The following STK24 variants were observed in gnomAD, a reference collection of about 807,000 sequenced individuals.
STK24 encodes the protein serine/threonine-protein kinase 24.
Under a neutral mutation model 55.6 loss-of-function variants are expected in STK24, and 21 were observed. The ratio of observed to expected loss-of-function variants is 0.38; its 90% CI spans 0.27 to 0.54. The LOEUF (loss-of-function observed/expected upper bound fraction) is 0.54, where lower values mean the gene tolerates loss of function less well. Ranked by LOEUF, STK24 falls within the 20% of genes least tolerant of loss-of-function variation. The pLI, the probability that STK24 is intolerant of heterozygous loss-of-function variation, is 0.79. For synonymous variants in STK24, 200 were observed against 215.2 expected, an observed-to-expected ratio of 0.93 and a Z score of 0.62; for missense variants, 383 against 538.4, an observed-to-expected ratio of 0.71 and a Z score of 2.86.
At chr13:98,507,292 T>G (rs1440418474) in intron 2 of STK24, among the ~76,000 whole-genome samples, 5 of 152,164 alleles carry the variant, frequency 3.3e-5, no homozygotes, top group Admixed American at 3.3e-4. Context: ...AGACCAGGAA[T>G]GAGGAAACTC....
intron 2 of STK24, among the ~76,000 whole-genome samples, chr13:98,517,683 C>T (rs1260299548): frequency 6.6e-6 from 1 of 152,150 alleles, no homozygotes; most frequent in African/African-American, 2.4e-5. Context: ...ACGGAAGTCA[C>T]ATGTGTAGTG....
At chr13:98,504,808 CA>C (rs1025528854) in intron 2 of STK24, among the ~76,000 whole-genome samples, 5 of 152,146 alleles carry the variant, frequency 3.3e-5, no homozygotes, top group African/African-American at 1.2e-4. Flanking sequence ...AGAGAAACAA[CA>C]GCCTCCAGTA....
In STK24 at chr13:98,514,120, GGC is replaced by G. The variant is rs1465150211; in HGVS notation, c.273+5121_273+5122del. ...GAATCACGGTGTTTTTCTGCAGATA[GGC>G]ATAGTAAGTAGGCTGATTATTTTCT... On this transcript the variant is annotated intron_variant, in intron 2 of 10. Coordinates refer to ENST00000539966, the MANE Select transcript of STK24 (RefSeq NM_001032296.4). 2.1e-3 allele frequency among the ~76,000 whole-genome samples: 319 copies of G among 152,326 alleles called. 3 individuals carry two copies. The highest frequency in any genetic ancestry group is 7.3e-3 in the African/African-American group (303 of 41,570).
At chr13:98,532,805 G>C (rs888890745) in intron 1 of STK24, among the ~76,000 whole-genome samples, 2 of 152,146 alleles carry the variant, frequency 1.3e-5, no homozygotes, top group Admixed American at 1.3e-4. Context: ...TTACTACAAT[G>C]TAAGTTCTTC....
At chr13:98,499,347 GA>G (rs1379094667) in intron 2 of STK24, among the ~76,000 whole-genome samples, 10 of 152,310 alleles carry the variant, frequency 6.6e-5, no homozygotes, top group Middle Eastern at 3.4e-3. Flanking sequence ...CGCACCTTGG[GA>G]ATTTAAATCA....
intron 1 of STK24, among the ~76,000 whole-genome samples, chr13:98,525,484 G>A (rs1480906424): frequency 2.0e-5 from 3 of 152,222 alleles, no homozygotes; most frequent in Non-Finnish European, 4.4e-5. Context: ...CCTAGGGCAA[G>A]AAGACTAGGG....
At chr13:98,467,433 G>A (rs2139269506) in intron 5 of STK24, among the ~76,000 whole-genome samples, 1 of 152,200 alleles carries the variant, frequency 6.6e-6, no homozygotes, top group East Asian at 1.9e-4. Flanking sequence ...TCCATGGTTG[G>A]TTTATCTGAA....
At chr13:98,552,119 A>G (rs1897173610) in intron 1 of STK24, among the ~76,000 whole-genome samples, 2 of 152,220 alleles carry the variant, frequency 1.3e-5, no homozygotes, top group Admixed American at 6.5e-5. Flanking sequence ...GAATAAAATC[A>G]TGCTTCTGTA....
At chr13:98,550,375 C>T (rs1457071272) in intron 1 of STK24, among the ~76,000 whole-genome samples, 1 of 152,064 alleles carries the variant, frequency 6.6e-6, no homozygotes, top group African/African-American at 2.4e-5. Flanking sequence ...CCTGTCCCTA[C>T]AAAAAATAGT....
chr13:98,548,853 C>G (rs1305508811), intron 1 of STK24, among the ~76,000 whole-genome samples: 2 of 117,146 alleles, frequency 1.7e-5, no homozygotes, highest in African/African-American at 7.5e-5. Context: ...CAGAGTGAGA[C>G]TCTGTCTCAA....
chr13:98,460,438 C>T lies in STK24; in HGVS notation c.1056G>A (p.Met352Ile), dbSNP rs1893654243. ...LQPSDLDRNK[M>I]KDIPKRPFSQ... ...AGAAAGGCCTCTTCGGGATGTCTTT[C>T]ATCTTGGGGGAGAGGGAAAAAAAGG... The change falls in exon 9 of 11, where the codon ATG (methionine) becomes ATA (isoleucine). Residue 352 changes from methionine (M) to isoleucine (I), a missense_variant and splice_region_variant. Met to Ile is a conservative substitution (Grantham distance 10). Transcript: ENST00000539966. 6.2e-7 allele frequency: 1 copy of T among 1,612,932 alleles called. No individual in the cohort carries two copies. Among genetic ancestry groups the T allele is most frequent in the Non-Finnish European group, 8.5e-7 (1 of 1,179,246 alleles).
intron 2 of STK24, among the ~76,000 whole-genome samples, chr13:98,504,462 G>C (rs1238633272): frequency 1.3e-5 from 2 of 152,200 alleles, no homozygotes; most frequent in Non-Finnish European, 2.9e-5. Context: ...TCAAACACTA[G>C]CACGAGACTC....
chr13:98,518,736 C>T (rs965030043), intron 2 of STK24, among the ~76,000 whole-genome samples: 5 of 152,154 alleles, frequency 3.3e-5, no homozygotes, highest in African/African-American at 7.2e-5. Flanking sequence ...TTATAACTAC[C>T]GTTTTATTTA....
At chr13:98,469,109 G>T (rs750528825) in intron 5 of STK24, among the ~76,000 whole-genome samples, 1 of 152,214 alleles carries the variant, frequency 6.6e-6, no homozygotes, top group South Asian at 2.1e-4. Flanking sequence ...GCAGGCGGCC[G>T]AACGCCTGCT....
intron 2 of STK24, among the ~76,000 whole-genome samples, chr13:98,487,033 A>C (rs1894833979): frequency 6.6e-6 from 1 of 152,210 alleles, no homozygotes; most frequent in Non-Finnish European, 1.5e-5. Context: ...ATCACCCAGA[A>C]ATGCCTCTGA....
intron 3 of STK24, among the ~76,000 whole-genome samples, chr13:98,476,798 T>C (rs963327082): frequency 2.2e-4 from 34 of 152,270 alleles, no homozygotes; most frequent in African/African-American, 7.9e-4. Flanking sequence ...TACACAGCAA[T>C]CCCAGGGTCA....
chr13:98,463,565 G>C (rs1329267238), intron 7 of STK24, 126 bp downstream of exon 7: 26 of 1,167,284 alleles, frequency 2.2e-5, no homozygotes, highest in Non-Finnish European at 2.9e-5. Flanking sequence ...CACAACAATT[G>C]CCACCAACCT....
intron 2 of STK24, among the ~76,000 whole-genome samples, chr13:98,483,877 C>A (rs1163891924): frequency 2.0e-5 from 3 of 152,210 alleles, no homozygotes; most frequent in African/African-American, 7.2e-5. Flanking sequence ...CTAAATCCTG[C>A]CATCTGGAGT....
At chr13:98,509,506 G>A (rs751108059) in intron 2 of STK24, among the ~76,000 whole-genome samples, 9 of 151,752 alleles carry the variant, frequency 5.9e-5, no homozygotes, top group African/African-American at 1.7e-4. Context: ...AAAAAAACCA[G>A]TTCCTCAAAA....
Sources: allele counts gnomAD v4.1 joint callset (sites outside exome capture counted in the v4.1 genomes callset), GRCh38; gene constraint gnomAD v4.1.1; transcripts MANE v1.5; gene names NCBI Gene and HGNC (gene_info 2026-07-23, HGNC 2026-07-21).